Variants in NUP210L observed in about 807,000 individuals in gnomAD.
The protein encoded by NUP210L is nuclear pore membrane glycoprotein 210-like.
NUP210L carries 74 observed loss-of-function variants against 208.5 expected under a neutral mutation model. The observed-to-expected ratio is 0.35, with a 90% CI of 0.29 to 0.43. The LOEUF (loss-of-function observed/expected upper bound fraction) is 0.43. NUP210L is among the 20% of genes least tolerant of loss of function. NUP210L has a pLI of 1.00. For missense variants in NUP210L, 1,843 were observed against 2,289.4 expected (o/e 0.81, Z 3.98); for synonymous variants, 780 against 816.9 (o/e 0.95, Z 0.77).
intron 33 of NUP210L, among the ~76,000 whole-genome samples, chr1:154,015,834 A>G (rs1348828490): frequency 6.6e-6 from 1 of 151,498 alleles, no homozygotes; most frequent in Non-Finnish European, 1.5e-5. Flanking sequence ...ACTTGAGCCT[A>G]GGAGGTGGAT....
intron 35 of NUP210L, among the ~76,000 whole-genome samples, chr1:154,003,035 G>A (rs377708330): frequency 8.9e-5 from 13 of 145,664 alleles, no homozygotes; most frequent in East Asian, 4.1e-4. Flanking sequence ...TAAAGAGACA[G>A]AATTTCACAC....
chr1:154,134,122 C>G (rs1420136593), intron 7 of NUP210L, among the ~76,000 whole-genome samples: 1 of 150,036 alleles, frequency 6.7e-6, no homozygotes, highest in African/African-American at 2.5e-5. Context: ...TGCACTCCAG[C>G]TTGGGCAACA....
intron 37 of NUP210L, among the ~76,000 whole-genome samples, chr1:154,000,369 T>C (rs2147885950): frequency 6.6e-6 from 1 of 152,292 alleles, no homozygotes; most frequent in East Asian, 1.9e-4. Flanking sequence ...TTGAACCCTC[T>C]ACGTACTATG....
exon 5 of NUP210L, chr1:154,139,936 C>T (rs1658750859): frequency 5.0e-6 from 8 of 1,609,608 alleles, no homozygotes; most frequent in Non-Finnish European, 5.9e-6. Flanking sequence ...TATTCTGCTT[C>T]GGAGTATTTA....
At chr1:154,039,320 G>A (rs1394715375) in intron 27 of NUP210L, among the ~76,000 whole-genome samples, 7 of 149,500 alleles carry the variant, frequency 4.7e-5, no homozygotes, top group South Asian at 4.2e-4. Flanking sequence ...TACAACCTCC[G>A]CCTCCCGAGT....
intron 24 of NUP210L, 95 bp from the exon 25 acceptor site, chr1:154,054,502 C>T (rs1653700974): frequency 3.4e-6 from 4 of 1,182,514 alleles, no homozygotes; most frequent in Non-Finnish European, 4.9e-6. Flanking sequence ...ACTTCTTCAT[C>T]TTCCCCCATT....
chr1:154,066,396 A>G (rs1654416635), intron 17 of NUP210L, among the ~76,000 whole-genome samples: 1 of 152,130 alleles, frequency 6.6e-6, no homozygotes, highest in South Asian at 2.1e-4. Context: ...CGGATCACCA[A>G]GTCAGGAGAT....
Position 154,089,656 on chromosome 1 carries a change from A to C in NUP210L, c.2188-62T>G, listed in dbSNP as rs980555522. 6.0e-6 allele frequency: 8 copies of C among 1,330,194 alleles called. No individual in the cohort carries two copies. The Admixed American group carries it at 1.4e-4, about 23-fold the overall frequency. 82.4% of individuals were successfully genotyped at this position (1,330,194 alleles called of 1,614,324 possible). On this transcript the variant is annotated intron_variant, in intron 15 of 39. Transcript: ENST00000368559. ...TAGATACTTGATGTCAGTCATGCCA[A>C]TATAAATGTGTTAGAATTATTCAAA...
intron 35 of NUP210L, among the ~76,000 whole-genome samples, chr1:154,003,550 C>T (rs1039101600): frequency 4.0e-5 from 6 of 151,670 alleles, no homozygotes; most frequent in African/African-American, 9.7e-5. Context: ...TTGCCCAGGC[C>T]GGACTGCAGT....
At position 154,009,903 on chromosome 1, in the gene NUP210L, A is replaced by G. The variant is rs1346774071; in HGVS notation, c.4930+69T>C. The G allele has an allele frequency of 3.9e-6, 5 of 1,292,574 alleles. No homozygotes were observed. The South Asian group carries it at 5.0e-5, about 13-fold the overall frequency. 80.1% of individuals were successfully genotyped at this position (1,292,574 alleles called of 1,614,324 possible). A position where few individuals can be genotyped will look rare whatever the true frequency, so the allele number is the denominator to read the frequency against. Reference sequence around the variant, plus strand: ...AAACTACAGATATAAATGCAATCCAATAAGAATGGGACAATTATACAAATA... The same window carrying G: ...AAACTACAGATATAAATGCAATCCAGTAAGAATGGGACAATTATACAAATA... On this transcript the variant is annotated intron_variant, in intron 35 of 39. Coordinates refer to ENST00000368559, the Ensembl canonical transcript of NUP210L.
rs1297436691 is a variant in NUP210L, at chr1:154,141,368, A to T, written c.566+63T>A. ...CCACACAAATGGTTGCTTGTTCAGC[A>T]TGCCGCTTAATGGCAGATGTCTTCT... On this transcript the variant is annotated intron_variant, in intron 4 of 39. Transcript: ENST00000368559. The T allele has an allele frequency of 9.8e-6, 10 of 1,023,194 alleles. No individual in the cohort carries two copies. In the Admixed American group the frequency reaches 1.7e-4, roughly 18 times the overall value. 63.4% of individuals were successfully genotyped at this position (1,023,194 alleles called of 1,614,324 possible).
intron 25 of NUP210L, among the ~76,000 whole-genome samples, chr1:154,049,960 C>G (rs1433544671): frequency 6.6e-6 from 1 of 152,178 alleles, no homozygotes; most frequent in Admixed American, 6.5e-5. Context: ...GTATGTAGGG[C>G]AAGCAATTGA....
At chr1:154,121,375 T>C (rs1657608136) in intron 10 of NUP210L, among the ~76,000 whole-genome samples, 1 of 152,170 alleles carries the variant, frequency 6.6e-6, no homozygotes. Flanking sequence ...TTGGAGCACC[T>C]ATCTATGATA....
At chr1:154,006,563 G>A (rs1469968291) in intron 35 of NUP210L, among the ~76,000 whole-genome samples, 1 of 151,344 alleles carries the variant, frequency 6.6e-6, no homozygotes, top group East Asian at 1.9e-4. Flanking sequence ...GCACGATCTC[G>A]GCTCACTGCA....
At chr1:154,096,965 C>T (rs1305620235) in intron 14 of NUP210L, among the ~76,000 whole-genome samples, 2 of 152,090 alleles carry the variant, frequency 1.3e-5, no homozygotes, top group Admixed American at 1.3e-4. Context: ...CCTGTAATCC[C>T]ACCCACTTGG....
At chr1:153,995,163 C>T (rs374183328) in exon 38 of NUP210L, 23 of 1,613,230 alleles carry the variant, frequency 1.4e-5, no homozygotes, top group East Asian at 8.9e-5. Flanking sequence ...TTGAGGATGG[C>T]GGAATCTTCA....
At chr1:154,027,540 G>A in exon 29 of NUP210L, 3 of 1,613,358 alleles carry the variant, frequency 1.9e-6, no homozygotes, top group Non-Finnish European at 2.5e-6. Context: ...GAATTTATAG[G>A]CATCAGAATC....
At chr1:154,006,407 A>G (rs535324789) in intron 35 of NUP210L, among the ~76,000 whole-genome samples, 3 of 152,190 alleles carry the variant, frequency 2.0e-5, no homozygotes, top group African/African-American at 7.2e-5. Flanking sequence ...TCATACTTCT[A>G]AAGGTCATTC....
At chr1:154,080,212 G>A (rs2148028605) in intron 16 of NUP210L, among the ~76,000 whole-genome samples, 1 of 151,250 alleles carries the variant, frequency 6.6e-6, no homozygotes, top group Non-Finnish European at 1.5e-5. Context: ...ATACAAAAAT[G>A]AGCCAGGCAT....
Sources: gnomAD v4.1 joint callset for allele counts (sites outside exome capture counted in the v4.1 genomes callset) on GRCh38, gnomAD v4.1.1 for gene constraint, MANE v1.5 for transcripts, NCBI Gene and HGNC (gene_info 2026-07-23, HGNC 2026-07-21) for gene names.